The following FAT4 variants were observed in gnomAD, a reference collection of about 807,000 sequenced individuals.
FAT4 encodes the protein FAT atypical cadherin 4, also known as protocadherin Fat 4.
Under a neutral mutation model 303.9 loss-of-function variants are expected in FAT4, and 84 were observed. That is an observed-to-expected ratio of 0.28 (90% CI 0.23 to 0.33). The LOEUF (loss-of-function observed/expected upper bound fraction) is 0.33, where lower values mean the gene tolerates loss of function less well. FAT4 is among the 10% of genes least tolerant of loss of function. FAT4 has a pLI of 1.00. For missense variants in FAT4, 6,005 were observed against 6,146.8 expected, an observed-to-expected ratio of 0.98 and a Z score of 0.77; for synonymous variants, 2,307 against 2,298.8, an observed-to-expected ratio of 1.00 and a Z score of -0.10.
intron 2 of FAT4, among the ~76,000 whole-genome samples, chr4:125,326,021 G>C (rs1318959178): frequency 6.6e-6 from 1 of 152,058 alleles, no homozygotes; most frequent in Non-Finnish European, 1.5e-5. Flanking sequence ...TCCACAGTGA[G>C]AGAACCATTG....
rs1394259115 is a variant in FAT4, at chr4:125,415,629, C to G, written c.6666C>G (p.Thr2222=). 1 of 1,613,856 alleles carries G rather than the reference C, an allele frequency of 6.2e-7. No individual in the cohort carries two copies. The highest frequency in any genetic ancestry group is 1.3e-5 in the African/African-American group (1 of 74,882). ...TVAKPLDREK[T]PTYHLTVQAT... ...CTAAACCTTTGGATAGAGAAAAGACCCCTACCTACCATTTAACTGTTCAGG... is the reference window on the plus strand; with the variant it reads ...CTAAACCTTTGGATAGAGAAAAGACGCCTACCTACCATTTAACTGTTCAGG... Residue 2222 remains threonine, a synonymous_variant, in exon 6 of 18, where the codon ACC becomes ACG. Coordinates refer to ENST00000394329, the MANE Select transcript of FAT4 (RefSeq NM_001291303.3).
chr4:125,445,855 C>T (rs1725806025), intron 8 of FAT4, among the ~76,000 whole-genome samples: 1 of 152,076 alleles, frequency 6.6e-6, no homozygotes, highest in Non-Finnish European at 1.5e-5. Flanking sequence ...TAAAAGAATA[C>T]AATTTTCAAC....
intron 5 of FAT4, among the ~76,000 whole-genome samples, chr4:125,411,901 A>C (rs745403347): frequency 6.6e-6 from 1 of 151,152 alleles, no homozygotes; most frequent in African/African-American, 2.4e-5. Flanking sequence ...ATATGTATGC[A>C]ATAAAACTGC....
chr4:125,363,686 G>A (rs1732757900), intron 2 of FAT4, among the ~76,000 whole-genome samples: 2 of 151,842 alleles, frequency 1.3e-5, no homozygotes, highest in Admixed American at 1.3e-4. Flanking sequence ...AGTAGAGACG[G>A]GGTTTCACTA....
At position 125,448,994 on chromosome 4, in the gene FAT4, T is replaced by C. The variant is rs1166272706; in HGVS notation, c.7984T>C (p.Leu2662=). The C allele has an allele frequency of 1.9e-6, 3 of 1,613,846 alleles. No homozygotes were observed. Among genetic ancestry groups the C allele is most frequent in the Non-Finnish European group, 2.5e-6 (3 of 1,179,844 alleles). The change falls in exon 10 of 18, where the codon TTA becomes CTA. Residue 2662 remains leucine, a synonymous_variant. Transcript: ENST00000394329. ...SSYEKLDITV[L]DVNDNAPIFK... The stretch of plus-strand genomic sequence containing the variant: ...TTACGAGAAACTTGATATAACAGTA[T>C]TAGATGTCAATGATAATGCCCCAAT...
In FAT4 at chr4:125,434,229, T is replaced by G. The variant is rs562842293; in HGVS notation, c.7019-16T>G. 6.2e-7 allele frequency: 1 copy of G among 1,603,670 alleles called. No individual in the cohort carries two copies. Among genetic ancestry groups the G allele is most frequent in the Non-Finnish European group, 8.5e-7 (1 of 1,174,212 alleles). On this transcript the variant is annotated splice_polypyrimidine_tract_variant and intron_variant, in intron 7 of 17. Transcript: ENST00000394329. The stretch of plus-strand genomic sequence containing the variant: ...TTGTTTATAAACATTGAGACTTGAT[T>G]TTCTTTTCTTTTTAGGATCCCCTGC...
chr4:125,434,472 A>G (rs746205636), intron 8 of FAT4, 47 bp downstream of exon 8: 13 of 1,551,902 alleles, frequency 8.4e-6, no homozygotes, highest in African/African-American at 5.5e-5. Context: ...CTCATTAAAC[A>G]TTAGTTTTTG....
At position 125,452,162 on chromosome 4, in the gene FAT4, C is replaced by T. The variant is rs774217003; in HGVS notation, c.11152C>T (p.Arg3718Cys). 47 of 1,614,100 alleles carry T rather than the reference C, an allele frequency of 2.9e-5. No homozygotes were observed. The highest frequency in any genetic ancestry group is 1.6e-4 in the Middle Eastern group (1 of 6,084). The change falls in exon 10 of 18, where the codon CGT becomes TGT. Residue 3718 changes from arginine to cysteine, a missense_variant. Coordinates refer to ENST00000394329, the MANE Select transcript of FAT4 (RefSeq NM_001291303.3). ...CACAGTGGATAACAGCATCTTACTT[C>T]GTCTCGGCGTACCAACAGTAAAGGA... is the stretch of plus-strand genomic sequence containing the variant. ...NATVDNSILL[R>C]LGVPTVKDFL...
At chr4:125,435,461 C>A (rs991910361) in intron 8 of FAT4, among the ~76,000 whole-genome samples, 1 of 152,122 alleles carries the variant, frequency 6.6e-6, no homozygotes, top group Non-Finnish European at 1.5e-5. Context: ...ACCAGATATA[C>A]GGATATGGTA....
At chr4:125,458,602 T>G (rs552560736) in intron 10 of FAT4, among the ~76,000 whole-genome samples, 2 of 152,106 alleles carry the variant, frequency 1.3e-5, no homozygotes, top group Non-Finnish European at 2.9e-5. Context: ...TTACATTAGG[T>G]AATACATTAA....
At chr4:125,413,016 C>A (rs923067651) in intron 5 of FAT4, among the ~76,000 whole-genome samples, 2 of 151,624 alleles carry the variant, frequency 1.3e-5, no homozygotes, top group African/African-American at 4.8e-5. Context: ...TAGAAACACA[C>A]GTATACACAT....
chr4:125,462,559 A>G (rs1726518198), intron 10 of FAT4, among the ~76,000 whole-genome samples: 1 of 152,026 alleles, frequency 6.6e-6, no homozygotes, highest in Admixed American at 6.6e-5. Context: ...GTATTAGAAC[A>G]TGTTTAAGTT....
chr4:125,490,695 G>C lies in FAT4; in HGVS notation c.13879G>C (p.Ala4627Pro). 2 of 1,614,086 alleles carry C rather than the reference G, an allele frequency of 1.2e-6. No individual in the cohort carries two copies. The highest frequency in any genetic ancestry group is 1.7e-6 in the Non-Finnish European group (2 of 1,180,034). ...QEIEHYDIDN[A>P]SSIAPSDADI... ...GATAGAGCACTATGACATTGACAAC[G>C]CCAGCAGCATCGCCCCTTCGGATGC... Residue 4627 changes from alanine (A) to proline (P), a missense_variant, in exon 18 of 18, where the codon GCC becomes CCC. Ala to Pro is a conservative substitution (Grantham distance 27). Coordinates refer to ENST00000394329, the MANE Select transcript of FAT4 (RefSeq NM_001291303.3).
At chr4:125,375,901 A>AT (rs570264524) in intron 2 of FAT4, among the ~76,000 whole-genome samples, 41 of 151,952 alleles carry the variant, frequency 2.7e-4, no homozygotes, top group African/African-American at 6.0e-4. Flanking sequence ...GCAAAACTGC[A>AT]TTTTTTTTGC....
rs745519425 is a variant in FAT4, at chr4:125,415,788, A to G, written c.6825A>G (p.Leu2275=). ...SVNVPENLGT[L]PRTILQVVAR... The stretch of plus-strand genomic sequence containing the variant: ...ATGTCCCTGAGAATTTAGGGACACT[A>G]CCCAGAACAATTCTTCAGGTCAGTA... Residue 2275 remains leucine (L), a synonymous_variant, in exon 6 of 18, where the codon CTA becomes CTG. Transcript: ENST00000394329. 14 of 1,610,476 alleles carry G rather than the reference A, an allele frequency of 8.7e-6. No individual in the cohort carries two copies. Among genetic ancestry groups the G allele is most frequent in the East Asian group, 2.2e-5 (1 of 44,798 alleles).
At chr4:125,433,831 G>A (rs1483268045) in intron 7 of FAT4, among the ~76,000 whole-genome samples, 3 of 151,480 alleles carry the variant, frequency 2.0e-5, no homozygotes, top group Non-Finnish European at 4.4e-5. Flanking sequence ...TGAGAGTCCA[G>A]TTTTTAACAT....
At chr4:125,358,505 C>A (rs1732523204) in intron 2 of FAT4, among the ~76,000 whole-genome samples, 1 of 152,012 alleles carries the variant, frequency 6.6e-6, no homozygotes, top group African/African-American at 2.4e-5. Flanking sequence ...CCATTGGATT[C>A]TCATAAGGAG....
rs548488351 is a variant in FAT4 at position 125,333,226 on chromosome 4, T to C, written c.5175+11640T>C. ...TCAAGCAGAGAAGCAAGATCAGATA[T>C]GTAAGTCATGGTGCTCTTATACTAA... On this transcript the variant is annotated intron_variant, in intron 2 of 17. Transcript: ENST00000394329. Among the ~76,000 whole-genome samples the C allele has an allele frequency of 4.9e-4, 74 of 152,124 alleles. 3 individuals carry two copies. The South Asian group carries it at 0.015, about 31-fold the overall frequency.
chr4:125,334,780 T>C (rs1330788950), intron 2 of FAT4, among the ~76,000 whole-genome samples: 1 of 152,186 alleles, frequency 6.6e-6, no homozygotes, highest in Non-Finnish European at 1.5e-5. Flanking sequence ...AGTAGCTGTA[T>C]GGCAATCCTT....
Sources: allele counts gnomAD v4.1 joint callset (sites outside exome capture counted in the v4.1 genomes callset), GRCh38; gene constraint gnomAD v4.1.1; transcripts MANE v1.5; gene names NCBI Gene and HGNC (gene_info 2026-07-23, HGNC 2026-07-21).